KALRN: variants seen among roughly 807,000 people sequenced by gnomAD.
KALRN encodes kalirin.
A neutral mutation model predicts 353.7 loss-of-function variants in KALRN; 70 were observed. The observed-to-expected ratio is 0.20, with a 90% CI of 0.16 to 0.24. The LOEUF (loss-of-function observed/expected upper bound fraction) is 0.24, where lower values mean the gene tolerates loss of function less well. KALRN is among the 10% of genes least tolerant of loss of function. The pLI, the probability that KALRN is intolerant of heterozygous loss-of-function variation, is 1.00. For synonymous variants in KALRN, 1,391 were observed against 1,434.8 expected, an observed-to-expected ratio of 0.97 and a Z score of 0.69; for missense variants, 2,791 against 3,756.7, an observed-to-expected ratio of 0.74 and a Z score of 6.72.
chr3:124,454,137 A>G (rs1446071657), intron 21 of KALRN, among the ~76,000 whole-genome samples: 1 of 152,230 alleles, frequency 6.6e-6, no homozygotes, highest in Non-Finnish European at 1.5e-5. Flanking sequence ...CTGCTCTCTA[A>G]TGGAAACTAA....
intron 1 of KALRN, among the ~76,000 whole-genome samples, chr3:124,059,532 C>A (rs948219592): frequency 3.3e-5 from 5 of 152,090 alleles, no homozygotes; most frequent in East Asian, 1.9e-4. Context: ...ATTTTGTATT[C>A]TTTGACCAAC....
At chr3:124,601,362 G>T (rs1561390759) in intron 34 of KALRN, among the ~76,000 whole-genome samples, 1 of 152,298 alleles carries the variant, frequency 6.6e-6, no homozygotes, top group East Asian at 1.9e-4. Flanking sequence ...CATTATGTAG[G>T]ATGGAAGTAG....
At chr3:124,547,673 G>C (rs2069869129) in intron 33 of KALRN, among the ~76,000 whole-genome samples, 1 of 152,102 alleles carries the variant, frequency 6.6e-6, no homozygotes, top group African/African-American at 2.4e-5. Context: ...TCCCAGGAGA[G>C]CAGGAAGGGA....
chr3:124,288,579 G>T (rs2076150939), intron 5 of KALRN, among the ~76,000 whole-genome samples: 1 of 151,112 alleles, frequency 6.6e-6, no homozygotes, highest in South Asian at 2.1e-4. Flanking sequence ...ATTTTTCATT[G>T]TAGGTATCAG....
At chr3:124,138,377 A>G (rs2066195871) in intron 1 of KALRN, among the ~76,000 whole-genome samples, 1 of 152,222 alleles carries the variant, frequency 6.6e-6, no homozygotes, top group Non-Finnish European at 1.5e-5. Context: ...CACCAGTGGT[A>G]TCACCCACCA....
chr3:124,489,960 A>G (rs1181535909), intron 29 of KALRN, among the ~76,000 whole-genome samples: 3 of 152,250 alleles, frequency 2.0e-5, no homozygotes, highest in Non-Finnish European at 2.9e-5. Flanking sequence ...GAGGAATTCT[A>G]GAAATGGAAT....
At position 124,650,890 on chromosome 3, in the gene KALRN, C is replaced by T. The variant is rs755492318; in HGVS notation, c.5747C>T (p.Pro1916Leu). 11 of 1,614,212 alleles carry T rather than the reference C, an allele frequency of 6.8e-6. No individual in the cohort carries two copies. The highest frequency in any genetic ancestry group is 9.3e-6 in the Non-Finnish European group (11 of 1,180,016). ...LNEGMAPPTP[P>L]KNPEEEQKAK... is the part of the protein sequence containing the mutation. Reference sequence around the variant, plus strand: ...GAGGGGATGGCCCCACCCACACCTCCTAAAAACCCAGAAGAAGAACAGAAA... The same window carrying T: ...GAGGGGATGGCCCCACCCACACCTCTTAAAAACCCAGAAGAAGAACAGAAA... Residue 1916 changes from proline to leucine, a missense_variant, in exon 38 of 60, where the codon CCT becomes CTT. Pro to Leu is a moderately conservative substitution (Grantham distance 98). Coordinates refer to ENST00000682506, the MANE Select transcript of KALRN (RefSeq NM_001388419.1).
At chr3:124,293,632 GA>G (rs941076263) in intron 5 of KALRN, among the ~76,000 whole-genome samples, 7 of 149,906 alleles carry the variant, frequency 4.7e-5, no homozygotes, top group East Asian at 1.9e-4. Flanking sequence ...AAAAGAAAAG[GA>G]AAAAAAAACC....
At chr3:124,598,631 C>T (rs754990855) in intron 34 of KALRN, among the ~76,000 whole-genome samples, 8 of 151,298 alleles carry the variant, frequency 5.3e-5, no homozygotes, top group Non-Finnish European at 7.4e-5. Context: ...CATTCACACA[C>T]GTTTTGTTTG....
At chr3:124,266,725 C>T (rs2073598137) in intron 4 of KALRN, among the ~76,000 whole-genome samples, 2 of 152,190 alleles carry the variant, frequency 1.3e-5, no homozygotes, top group Admixed American at 1.3e-4. Context: ...TGACCTGACA[C>T]TTGATGCAGG....
intron 1 of KALRN, among the ~76,000 whole-genome samples, chr3:124,047,050 T>C (rs2149117411): frequency 6.6e-6 from 1 of 151,774 alleles, no homozygotes; most frequent in East Asian, 2.0e-4. Flanking sequence ...GAAGTCAACG[T>C]TGTGAAATAC....
Position 124,490,816 on chromosome 3 carries a change from T to C in KALRN, c.4519T>C (p.Leu1507=). The stretch of plus-strand genomic sequence containing the variant: ...GCACTTGTTCCTCTTTGAGATCTCC[T>C]TGGTTTTTAGCAAGGAGATCAAAGA... ...ERHLFLFEIS[L]VFSKEIKDSS... Residue 1507 remains leucine (L), a synonymous_variant, in exon 30 of 60, where the codon TTG becomes CTG. Transcript: ENST00000682506. 6.2e-7 allele frequency: 1 copy of C among 1,614,020 alleles called. No individual in the cohort carries two copies. The highest frequency in any genetic ancestry group is 8.5e-7 in the Non-Finnish European group (1 of 1,179,970).
chr3:124,472,538 A>G (rs1406863462), intron 25 of KALRN, among the ~76,000 whole-genome samples: 3 of 151,386 alleles, frequency 2.0e-5, no homozygotes, highest in East Asian at 1.9e-4. Context: ...ATTATAAAAA[A>G]TTGTTTTTAA....
At chr3:124,110,433 T>C (rs1448291257) in intron 1 of KALRN, among the ~76,000 whole-genome samples, 1 of 144,020 alleles carries the variant, frequency 6.9e-6, no homozygotes, top group Non-Finnish European at 1.5e-5. Context: ...TTTTTATGTA[T>C]GTATATATGT....
chr3:124,133,086 G>T (rs2065488503), intron 1 of KALRN: 1 of 152,708 alleles, frequency 6.5e-6, no homozygotes, highest in African/African-American at 2.4e-5. Context: ...TCCAACTGTG[G>T]ATCTGCATTC....
At chr3:124,541,624 C>T (rs956000215) in intron 33 of KALRN, among the ~76,000 whole-genome samples, 3 of 151,464 alleles carry the variant, frequency 2.0e-5, no homozygotes, top group Non-Finnish European at 2.9e-5. Flanking sequence ...CAGTGGCTTA[C>T]GCCAGTAATC....
chr3:124,603,399 TC>T (rs1197334372), intron 34 of KALRN, among the ~76,000 whole-genome samples: 1 of 152,212 alleles, frequency 6.6e-6, no homozygotes, highest in Non-Finnish European at 1.5e-5. Flanking sequence ...ATGGCAACAC[TC>T]CTGAATCCTT....
intron 21 of KALRN, among the ~76,000 whole-genome samples, chr3:124,447,828 G>A (rs936338238): frequency 1.1e-4 from 17 of 152,060 alleles, no homozygotes; most frequent in African/African-American, 4.1e-4. Context: ...TCAATATTGG[G>A]GAGCCTCTCC....
intron 10 of KALRN, among the ~76,000 whole-genome samples, chr3:124,365,793 C>T (rs908379520): frequency 1.3e-5 from 2 of 152,214 alleles, no homozygotes; most frequent in African/African-American, 2.4e-5. Context: ...TAGTTCTATG[C>T]CATGACACTA....
Sources: allele counts gnomAD v4.1 joint callset (sites outside exome capture counted in the v4.1 genomes callset), GRCh38; gene constraint gnomAD v4.1.1; transcripts MANE v1.5; gene names NCBI Gene and HGNC (gene_info 2026-07-23, HGNC 2026-07-21).